LRSAM1: variants seen among roughly 807,000 people sequenced by gnomAD.
The protein encoded by LRSAM1 is E3 ubiquitin-protein ligase LRSAM1.
In LRSAM1, 96 loss-of-function variants were observed where a neutral mutation model predicts 118.1. The ratio of observed to expected loss-of-function variants is 0.81; its 90% confidence interval spans 0.69 to 0.96. The LOEUF (loss-of-function observed/expected upper bound fraction) is 0.96, where lower values mean the gene tolerates loss of function less well. Among genes scored for constraint, LRSAM1 ranks in the 40% least tolerant of loss-of-function variants. The pLI, the probability that LRSAM1 is intolerant of heterozygous loss-of-function variation, is 0.00. For missense variants in LRSAM1, 804 were observed against 915.5 expected (o/e 0.88, Z 1.57); for synonymous variants, 322 against 364.2 (o/e 0.88, Z 1.32).
At chr9:127,492,709 G>A (rs1835975258) in intron 20 of LRSAM1, 93 bp from the exon 21 acceptor site, 1 of 1,172,950 alleles carries the variant, frequency 8.5e-7, no homozygotes, top group Non-Finnish European at 1.2e-6. Flanking sequence ...AGAACCGAGT[G>A]AGCGGGAGGC....
chr9:127,472,424 C>T (rs1835207509), intron 10 of LRSAM1, among the ~76,000 whole-genome samples: 1 of 151,960 alleles, frequency 6.6e-6, no homozygotes, highest in Non-Finnish European at 1.5e-5. Context: ...GGCAGATCCC[C>T]TGAGGTCAGG....
intron 19 of LRSAM1, among the ~76,000 whole-genome samples, chr9:127,490,847 G>A (rs1835908346): frequency 6.6e-6 from 1 of 152,190 alleles, no homozygotes; most frequent in African/African-American, 2.4e-5. Flanking sequence ...AACTTGACCA[G>A]CAGGAGACTG....
Position 127,473,922 on chromosome 9 carries a change from A to G in LRSAM1, c.741A>G (p.Leu247=). 1 of 1,614,238 alleles carries G rather than the reference A, an allele frequency of 6.2e-7. No homozygotes were observed. Among genetic ancestry groups the G allele is most frequent in the Non-Finnish European group, 8.5e-7 (1 of 1,180,046 alleles). The change falls in exon 11 of 26, where the codon TTA becomes TTG. Residue 247 remains leucine, a synonymous_variant. Coordinates refer to ENST00000300417, the MANE Select transcript of LRSAM1 (RefSeq NM_001005373.4). The part of the protein sequence containing the change: ...GPTDRFSREE[L]EWQNRFSDYE... ...CGGACAGATTCTCAAGGGAGGAGTT[A>G]GAGTGGCAGGTAAGACAAGGCAGCC...
rs767011373 is a variant in LRSAM1 at position 127,461,218 on chromosome 9, A to G, written c.367A>G (p.Ile123Val). ...RNQLMQLPRSIGNLTQLQTLN... is the reference protein window; with the variant it reads ...RNQLMQLPRSVGNLTQLQTLN... ...TCAACTGATGCAGCTCCCACGTTCC[A>G]TTGGGAACCTGACCCAGCTCCAGAC... is the stretch of plus-strand genomic sequence containing the variant. The change falls in exon 8 of 26, where the codon ATT becomes GTT. Residue 123 changes from isoleucine to valine, a missense_variant. Ile to Val is a conservative substitution (Grantham distance 29). Transcript: ENST00000300417. 18 of 1,612,366 alleles carry G rather than the reference A, an allele frequency of 1.1e-5. No homozygotes were observed. The highest frequency in any genetic ancestry group is 1.5e-5 in the Non-Finnish European group (18 of 1,178,788).
chr9:127,484,604 C>T (rs573366698), intron 16 of LRSAM1, among the ~76,000 whole-genome samples: 1 of 151,546 alleles, frequency 6.6e-6, no homozygotes, highest in Admixed American at 6.6e-5. Flanking sequence ...AAGCAGTCCT[C>T]CCACCTTGGC....
rs369161790 is a variant in LRSAM1, at chr9:127,497,327, C to G, written c.1905C>G (p.Ile635Met). The change falls in exon 24 of 26, where the codon ATC becomes ATG. Residue 635 changes from isoleucine to methionine, a missense_variant. Transcript: ENST00000300417. The part of the protein sequence containing the change: ...RVQELLDAAR[I>M]QPELKPPMGE... ...AGGAACTGCTGGATGCAGCCAGGAT[C>G]CAGCCAGGTACAAGCACAGCTCCAG... is the stretch of plus-strand genomic sequence containing the variant. 44 of 1,612,130 alleles carry G rather than the reference C, an allele frequency of 2.7e-5. No individual in the cohort carries two copies. The Admixed American group carries it at 2.8e-4, about 10-fold the overall frequency.
At chr9:127,502,715 G>C in intron 25 of LRSAM1, 59 bp from the exon 26 acceptor site, 2 of 1,528,070 alleles carry the variant, frequency 1.3e-6, no homozygotes, top group Non-Finnish European at 1.8e-6. Context: ...AAAAAAGACG[G>C]GCCTGGGACT....
intron 10 of LRSAM1, among the ~76,000 whole-genome samples, chr9:127,472,005 A>G (rs1447051771): frequency 6.6e-6 from 1 of 151,094 alleles, no homozygotes; most frequent in South Asian, 2.1e-4. Context: ...ACTGTCGCCC[A>G]GGCTGGAGTG....
At chr9:127,461,028 G>A (rs961900631) in intron 7 of LRSAM1, 145 bp from the exon 8 acceptor site, 4 of 528,806 alleles carry the variant, frequency 7.6e-6, no homozygotes, top group Admixed American at 4.5e-5. Flanking sequence ...GCTAATTTTT[G>A]TATTTTTAGT....
Position 127,465,220 on chromosome 9 carries a change from C to T in LRSAM1, c.529-2520C>T, listed in dbSNP as rs903211239. 5.9e-5 allele frequency among the ~76,000 whole-genome samples: 9 copies of T among 152,234 alleles called. No homozygotes were observed. In the South Asian group the frequency reaches 1.7e-3, roughly 28 times the overall value. On this transcript the variant is annotated intron_variant, in intron 9 of 25. Coordinates refer to ENST00000300417, the MANE Select transcript of LRSAM1 (RefSeq NM_001005373.4). This position sits in a 1 kb window ranked among gnomAD's most constrained non-coding sequence, Gnocchi z 4.1. ...AATGAGCCGGGATCTGAAGCCATGGCGGTGTCTTTGGCACAGCAATGTCCA... is the reference window on the plus strand; with the variant it reads ...AATGAGCCGGGATCTGAAGCCATGGTGGTGTCTTTGGCACAGCAATGTCCA...
At chr9:127,484,522 C>A (rs1278677347) in intron 16 of LRSAM1, among the ~76,000 whole-genome samples, 1 of 151,544 alleles carries the variant, frequency 6.6e-6, no homozygotes, top group Non-Finnish European at 1.5e-5. Context: ...GCCACCTCAC[C>A]TGGCTAATTT....
intron 24 of LRSAM1, among the ~76,000 whole-genome samples, chr9:127,499,127 CTT>C (rs534828834): frequency 8.6e-4 from 131 of 151,690 alleles, no homozygotes; most frequent in African/African-American, 3.0e-3. Flanking sequence ...TAATCCCACA[CTT>C]TGGGAGGCCT....
At chr9:127,469,422 A>G (rs1835080527) in intron 10 of LRSAM1, among the ~76,000 whole-genome samples, 1 of 151,930 alleles carries the variant, frequency 6.6e-6, no homozygotes, top group African/African-American at 2.4e-5. Flanking sequence ...GTGAGCTGAG[A>G]TTGTGCCACT....
At chr9:127,474,081 T>C in intron 11 of LRSAM1, 150 bp downstream of exon 11, 2 of 1,321,076 alleles carry the variant, frequency 1.5e-6, no homozygotes, top group South Asian at 1.3e-5. Flanking sequence ...TCCTGACGAG[T>C]TGAACTGCTT....
intron 15 of LRSAM1, among the ~76,000 whole-genome samples, chr9:127,482,615 A>G (rs2132072301): frequency 6.6e-6 from 1 of 152,330 alleles, no homozygotes; most frequent in South Asian, 2.1e-4. Context: ...CAACCAACCT[A>G]GTAGGTGAAA....
chr9:127,467,651 A>G, intron 9 of LRSAM1, 89 bp from the exon 10 acceptor site: 1 of 1,254,004 alleles, frequency 8.0e-7, no homozygotes, highest in Non-Finnish European at 1.1e-6. Flanking sequence ...GGTAGAGGTG[A>G]CAGAGAACAC....
chr9:127,471,472 T>TAAAAA lies in LRSAM1; in HGVS notation c.620-2308_620-2304dup, dbSNP rs71380064. ...GGTGACAGAGAGAGACCTTATGTTATAAAAAAAAAAAAAAAAAAAAAAAAA... is the reference window on the plus strand; with the variant it reads ...GGTGACAGAGAGAGACCTTATGTTATAAAAAAAAAAAAAAAAAAAAAAAAAAAAAA... On this transcript the variant is annotated intron_variant, in intron 10 of 25. Transcript: ENST00000300417. Among the ~76,000 whole-genome samples the TAAAAA allele has an allele frequency of 3.4e-4, 23 of 68,046 alleles. 1 individual carries two copies. The highest frequency in any genetic ancestry group is 6.3e-4 in the South Asian group (1 of 1,586). 44.6% of individuals were successfully genotyped at this position (68,046 alleles called of 152,430 possible). A position where few individuals can be genotyped will look rare whatever the true frequency, so the allele number is the denominator to read the frequency against.
rs1238723090 is a variant in LRSAM1, at chr9:127,492,849, G to A, written c.1551G>A (p.Gln517=). ...QRWALSSLLQ[Q]LLKEKQQREE... ...GGGCCCTCAGCTCCCTGCTCCAGCA[G>A]CTGCTCAAAGAGAAGCAGCAGCGAG... Residue 517 remains glutamine (Q), a synonymous_variant, in exon 21 of 26, where the codon CAG becomes CAA. Coordinates refer to ENST00000300417, the MANE Select transcript of LRSAM1 (RefSeq NM_001005373.4). 1 of 1,614,052 alleles carries A rather than the reference G, an allele frequency of 6.2e-7. No individual in the cohort carries two copies. The highest frequency in any genetic ancestry group is 2.2e-5 in the East Asian group (1 of 44,876).
chr9:127,489,264 C>T (rs1291235993), intron 18 of LRSAM1, among the ~76,000 whole-genome samples, 180 bp from the exon 19 acceptor site: 2 of 152,142 alleles, frequency 1.3e-5, no homozygotes, highest in African/African-American at 2.4e-5. Context: ...AGAGGCTGCC[C>T]GAAGTGAGCC....
Sources: allele counts gnomAD v4.1 joint callset (sites outside exome capture counted in the v4.1 genomes callset), GRCh38; gene constraint gnomAD v4.1.1; non-coding constraint Gnocchi (gnomAD v3.1); transcripts MANE v1.5; gene names NCBI Gene and HGNC (gene_info 2026-07-23, HGNC 2026-07-21).